GRIP1: variants seen among roughly 807,000 people sequenced by gnomAD.
The protein encoded by GRIP1 is glutamate receptor-interacting protein 1.
In GRIP1, 45 loss-of-function variants were observed where a neutral mutation model predicts 129.9. The observed-to-expected ratio is 0.35, with a 90% CI of 0.27 to 0.44. GRIP1 has a LOEUF of 0.44. Ranked by LOEUF, GRIP1 falls within the 20% of genes least tolerant of loss-of-function variation. The probability of loss-of-function intolerance (pLI) is 1.00; values close to 1 mark genes in which losing one functional copy is unlikely to be tolerated. For missense variants in GRIP1, 1,196 were observed against 1,396.8 expected (o/e 0.86, Z 2.29); for synonymous variants, 530 against 520.8 (o/e 1.02, Z -0.24).
chr12:66,864,812 C>G (rs11176464), intron 1 of GRIP1, among the ~76,000 whole-genome samples: 91,039 of 151,982 alleles, frequency 0.6, 28,545 homozygotes, highest in East Asian at 0.91. Flanking sequence ...ATTGCTGCCT[C>G]AAAGGCTTTT....
intron 1 of GRIP1, among the ~76,000 whole-genome samples, chr12:66,671,340 G>A (rs562253694): frequency 1.3e-5 from 2 of 152,172 alleles, no homozygotes; most frequent in East Asian, 1.9e-4. Context: ...CATCTGTCTC[G>A]TGGTCTCACA....
chr12:66,760,864 T>C (rs1261353664), intron 1 of GRIP1, among the ~76,000 whole-genome samples: 1 of 151,852 alleles, frequency 6.6e-6, no homozygotes, highest in Admixed American at 6.6e-5. Flanking sequence ...TTTTTTTTAA[T>C]TCCCCAAAAG....
chr12:66,863,442 G>C (rs1338997340), intron 1 of GRIP1, among the ~76,000 whole-genome samples: 1 of 152,096 alleles, frequency 6.6e-6, no homozygotes, highest in Non-Finnish European at 1.5e-5. Context: ...AAGAAGAGTG[G>C]TGAGTAAGTG....
intron 1 of GRIP1, among the ~76,000 whole-genome samples, chr12:66,923,025 T>C (rs988727775): frequency 1.3e-5 from 2 of 152,206 alleles, no homozygotes; most frequent in Non-Finnish European, 2.9e-5. Flanking sequence ...CTGATGACTG[T>C]ATGAATATCA....
At chr12:66,982,692 C>T (rs527805554) in intron 1 of GRIP1, among the ~76,000 whole-genome samples, 19 of 152,226 alleles carry the variant, frequency 1.2e-4, no homozygotes, top group African/African-American at 4.1e-4. Context: ...GAAGTGGGTT[C>T]ACCCCCAGTC....
intron 4 of GRIP1, among the ~76,000 whole-genome samples, chr12:66,534,138 A>C (rs910293820): frequency 1.2e-4 from 19 of 152,218 alleles, no homozygotes; most frequent in Non-Finnish European, 1.6e-4. Flanking sequence ...CTTCAAATAT[A>C]GTAGAAAGAG....
chr12:66,564,685 C>G (rs932766928), intron 2 of GRIP1, among the ~76,000 whole-genome samples: 1 of 152,098 alleles, frequency 6.6e-6, no homozygotes, highest in Non-Finnish European at 1.5e-5. Flanking sequence ...AGTTCTAGAT[C>G]CCTGAGGAAT....
Position 66,529,846 on chromosome 12 carries a change from C to T in GRIP1, c.487G>A (p.Gly163Ser). 6.3e-7 allele frequency: 1 copy of T among 1,590,732 alleles called. No individual in the cohort carries two copies. The highest frequency in any genetic ancestry group is 8.6e-7 in the Non-Finnish European group (1 of 1,158,752). The change falls in exon 5 of 25, where the codon GGT becomes AGT. Residue 163 changes from glycine (G) to serine (S), a missense_variant. Physicochemically the swap from Gly to Ser is moderately conservative, Grantham distance 56. Transcript: ENST00000359742. The part of the protein sequence containing the change: ...VTLHKEGNTF[G>S]FVIRGGAHDD... ...CAACACCTACCTCGAATTACAAAAC[C>T]AAAGGTATTGCCTTCTTTATGTAAT...
chr12:66,953,825 G>C (rs936564226), intron 1 of GRIP1, among the ~76,000 whole-genome samples: 6 of 152,184 alleles, frequency 3.9e-5, no homozygotes, highest in South Asian at 4.2e-4. Context: ...GCCAAAGAAA[G>C]AGTGTGTGTC....
At chr12:66,603,665 T>G (rs1232531366) in intron 1 of GRIP1, among the ~76,000 whole-genome samples, 1 of 152,244 alleles carries the variant, frequency 6.6e-6, no homozygotes, top group African/African-American at 2.4e-5. Flanking sequence ...GCTGGCAGAA[T>G]GCCAGTCATA....
chr12:66,844,315 C>G (rs183425637), intron 1 of GRIP1, among the ~76,000 whole-genome samples: 3 of 152,216 alleles, frequency 2.0e-5, no homozygotes, highest in Non-Finnish European at 4.4e-5. Flanking sequence ...CAAGGATATA[C>G]AAATAGCCAA....
intron 19 of GRIP1, among the ~76,000 whole-genome samples, chr12:66,388,767 T>A (rs550978430): frequency 6.6e-6 from 1 of 152,358 alleles, no homozygotes; most frequent in South Asian, 2.1e-4. Context: ...TCTATTTCCC[T>A]TTTCACTAAC....
chr12:66,686,054 A>C (rs902833953), intron 1 of GRIP1, among the ~76,000 whole-genome samples: 2 of 152,246 alleles, frequency 1.3e-5, no homozygotes, highest in Non-Finnish European at 2.9e-5. Context: ...GAGGACGCTC[A>C]TAAATTACTT....
At chr12:66,800,184 G>A (rs1802327484) in intron 1 of GRIP1, among the ~76,000 whole-genome samples, 1 of 152,140 alleles carries the variant, frequency 6.6e-6, no homozygotes, top group Admixed American at 6.6e-5. Context: ...GAAGGTCTAA[G>A]CCATATTCAT....
chr12:66,461,507 T>C (rs2059136129), intron 9 of GRIP1, among the ~76,000 whole-genome samples: 1 of 152,222 alleles, frequency 6.6e-6, no homozygotes, highest in African/African-American at 2.4e-5. Context: ...GAACGGCACC[T>C]TCCTACAGCT....
intron 1 of GRIP1, among the ~76,000 whole-genome samples, chr12:66,898,751 T>C (rs1211696507): frequency 6.6e-6 from 1 of 152,208 alleles, no homozygotes; most frequent in Non-Finnish European, 1.5e-5. Context: ...TGACACTCTT[T>C]CCTAGTCCAG....
intron 15 of GRIP1, among the ~76,000 whole-genome samples, chr12:66,418,127 A>G (rs1389226820): frequency 1.3e-5 from 2 of 152,192 alleles, no homozygotes. Context: ...ACCCAGAAAC[A>G]AATCCACATG....
In GRIP1 at chr12:66,347,724, A is replaced by AAAT. The variant is rs1255878577; in HGVS notation, c.*1292_*1294dup. The AAAT allele has an allele frequency of 3.5e-4, 53 of 150,730 alleles. No homozygotes were observed. In the Admixed American group the frequency reaches 3.5e-3, roughly 10 times the overall value. 9.3% of individuals were successfully genotyped at this position (150,730 alleles called of 1,614,324 possible). On this transcript the variant is annotated 3_prime_UTR_variant, in exon 25 of 25. Coordinates refer to ENST00000359742, the MANE Select transcript of GRIP1 (RefSeq NM_001366722.1). ...CCCTGGCGGTTCTGAAATGTGATTG[A>AAAT]AATAATATTTTTTTTGCACAAAAAG...
rs186040798 is a variant in GRIP1, at chr12:66,604,378, T to G, written c.56-7451A>C. Among the ~76,000 whole-genome samples the G allele has an allele frequency of 2.0e-5, 3 of 152,348 alleles. No individual in the cohort carries two copies. The East Asian group carries it at 5.8e-4, about 29-fold the overall frequency. On this transcript the variant is annotated intron_variant, in intron 1 of 24. Coordinates refer to ENST00000359742, the MANE Select transcript of GRIP1 (RefSeq NM_001366722.1). ...TGTCTGAATCACAAATGATAACTCC[T>G]ATGCTTCTTCCTAATATTGTTTCCA...
Sources: gnomAD v4.1 joint callset for allele counts (sites outside exome capture counted in the v4.1 genomes callset) on GRCh38, gnomAD v4.1.1 for gene constraint, MANE v1.5 for transcripts, NCBI Gene and HGNC (gene_info 2026-07-23, HGNC 2026-07-21) for gene names.